Variants in PTCHD4 observed in about 807,000 individuals in gnomAD.
PTCHD4 encodes the protein patched domain-containing protein 4.
In PTCHD4, 33 loss-of-function variants were observed where a neutral mutation model predicts 58.1. The observed-to-expected ratio is 0.57, with a 90% CI of 0.43 to 0.76. The LOEUF is 0.76. Ranked by LOEUF, PTCHD4 falls within the 30% of genes least tolerant of loss-of-function variation. The probability of loss-of-function intolerance (pLI) is 0.00; values close to 1 mark genes in which losing one functional copy is unlikely to be tolerated. For synonymous variants in PTCHD4, 478 were observed against 409.6 expected (o/e 1.17, Z -2.02); for missense variants, 1,058 against 1,027.1 (o/e 1.03, Z -0.41).
chr6:47,955,343 G>T (rs1766815536), intron 4 of PTCHD4, among the ~76,000 whole-genome samples: 1 of 152,046 alleles, frequency 6.6e-6, no homozygotes, highest in Non-Finnish European at 1.5e-5. Context: ...AAGAATCAGA[G>T]AAAGAAAAAA....
intron 4 of PTCHD4, among the ~76,000 whole-genome samples, chr6:48,004,687 C>A (rs1441085923): frequency 6.6e-6 from 1 of 152,118 alleles, no homozygotes; most frequent in Non-Finnish European, 1.5e-5. Context: ...GAGGCCAAGG[C>A]AGGTGGATCA....
At chr6:47,886,065 G>T (rs1014085158) in intron 4 of PTCHD4, among the ~76,000 whole-genome samples, 43 of 150,990 alleles carry the variant, frequency 2.8e-4, no homozygotes, top group Admixed American at 6.6e-4. Flanking sequence ...TAATCTGCCC[G>T]CCTCGGCCTC....
chr6:47,965,808 G>A (rs1767267448), intron 4 of PTCHD4, among the ~76,000 whole-genome samples: 1 of 152,042 alleles, frequency 6.6e-6, no homozygotes, highest in Non-Finnish European at 1.5e-5. Context: ...CCAGCTACTC[G>A]GGAGGCTGAG....
chr6:47,888,367 A>G (rs547998130), intron 4 of PTCHD4, among the ~76,000 whole-genome samples: 19 of 152,152 alleles, frequency 1.2e-4, no homozygotes, highest in Admixed American at 4.6e-4. Flanking sequence ...CAAAAAAAAG[A>G]GTAGATGGGA....
chr6:47,878,855 A>G lies in PTCHD4; in HGVS notation c.1980T>C (p.Ile660=), dbSNP rs149081697. 226 of 1,613,788 alleles carry G rather than the reference A, an allele frequency of 1.4e-4. 1 individual carries two copies. The East Asian group carries it at 4.9e-3, about 35-fold the overall frequency. ...ACACCAGGAGAACACCAAAGCCTGC[A>G]ATCAGAACAGGCACTGTGACAGACA... ...YSLSVTVPVL[I]AGFGVLLVLI... is the part of the protein sequence containing the mutation. The change falls in exon 5 of 5, where the codon ATT becomes ATC. Residue 660 remains isoleucine (I), a synonymous_variant. Coordinates refer to ENST00000339488, the MANE Select transcript of PTCHD4 (RefSeq NM_001384253.1).
At chr6:48,081,227 G>A (rs1249028032) in intron 1 of PTCHD4, among the ~76,000 whole-genome samples, 1 of 152,210 alleles carries the variant, frequency 6.6e-6, no homozygotes, top group African/African-American at 2.4e-5. Context: ...GTAATTTGGT[G>A]ATAGATTAAA....
At chr6:48,088,429 C>G (rs557362259) in intron 1 of PTCHD4, among the ~76,000 whole-genome samples, 1 of 152,008 alleles carries the variant, frequency 6.6e-6, no homozygotes, top group Non-Finnish European at 1.5e-5. Flanking sequence ...TTTTGGGCTC[C>G]GTTTAATGAC....
At position 47,877,563 on chromosome 6, in the gene PTCHD4, A is replaced by T. The variant is rs1763880758; in HGVS notation, c.*740T>A. The stretch of plus-strand genomic sequence containing the variant: ...CTGACATGATATGCATAATCTAATG[A>T]ACTCACATCTCTGTTTATTTTGCTC... On this transcript the variant is annotated 3_prime_UTR_variant, in exon 5 of 5. Transcript: ENST00000339488. Among the ~76,000 whole-genome samples the T allele has an allele frequency of 6.6e-6, 1 of 152,066 alleles. No homozygotes were observed. Among genetic ancestry groups the T allele is most frequent in the Admixed American group, 6.6e-5 (1 of 15,244 alleles).
chr6:47,961,231 A>C (rs767899774), intron 4 of PTCHD4, among the ~76,000 whole-genome samples: 33 of 152,132 alleles, frequency 2.2e-4, no homozygotes, highest in Admixed American at 7.9e-4. Flanking sequence ...TGTACTTTTA[A>C]ATAATATACT....
Position 47,860,008 on chromosome 6 carries a change from A to T in PTCHD4, c.*18295T>A, listed in dbSNP as rs575743443. Among the ~76,000 whole-genome samples the T allele has an allele frequency of 6.6e-6, 1 of 152,148 alleles. No homozygotes were observed. Among genetic ancestry groups the T allele is most frequent in the East Asian group, 1.9e-4 (1 of 5,134 alleles). ...CCCCTCTTTCGTGAATCTCCCACCCAAGTTAATGTCTGTGAAGAGATGGTT... is the reference window on the plus strand; with the variant it reads ...CCCCTCTTTCGTGAATCTCCCACCCTAGTTAATGTCTGTGAAGAGATGGTT... On this transcript the variant is annotated 3_prime_UTR_variant, in exon 5 of 5. Transcript: ENST00000339488.
At chr6:47,957,279 A>G (rs1287125195) in intron 4 of PTCHD4, among the ~76,000 whole-genome samples, 1 of 148,240 alleles carries the variant, frequency 6.7e-6, no homozygotes, top group Non-Finnish European at 1.5e-5. Context: ...TATTATATAT[A>G]TAGTTTCATT....
chr6:48,013,846 A>G (rs905197678), intron 3 of PTCHD4, among the ~76,000 whole-genome samples: 1 of 152,180 alleles, frequency 6.6e-6, no homozygotes, highest in Middle Eastern at 3.2e-3. Context: ...CTTTAGCAGC[A>G]ACAAAATGAT....
intron 1 of PTCHD4, among the ~76,000 whole-genome samples, chr6:48,070,477 A>G (rs1313209284): frequency 6.6e-6 from 1 of 152,224 alleles, no homozygotes; most frequent in African/African-American, 2.4e-5. Context: ...ACAATGCTTA[A>G]GGAAAAGTGT....
At chr6:47,966,428 G>T (rs1161700176) in intron 4 of PTCHD4, among the ~76,000 whole-genome samples, 1 of 152,200 alleles carries the variant, frequency 6.6e-6, no homozygotes. Flanking sequence ...GAAGGGCCTT[G>T]CCTCAATGTT....
At chr6:47,992,701 AC>A (rs1171639366) in intron 4 of PTCHD4, among the ~76,000 whole-genome samples, 1 of 152,176 alleles carries the variant, frequency 6.6e-6, no homozygotes, top group African/African-American at 2.4e-5. Flanking sequence ...TTATGTACAC[AC>A]TTTTTATTAC....
At chr6:48,099,922 C>A (rs749366671) in intron 1 of PTCHD4, among the ~76,000 whole-genome samples, 1 of 152,212 alleles carries the variant, frequency 6.6e-6, no homozygotes, top group Admixed American at 6.5e-5. Flanking sequence ...TCCCCATAAG[C>A]AATTTCAGTT....
Position 47,876,530 on chromosome 6 carries a change from AC to A in PTCHD4, c.*1772del, listed in dbSNP as rs1488222196. 4.6e-5 allele frequency among the ~76,000 whole-genome samples: 7 copies of A among 151,958 alleles called. No individual in the cohort carries two copies. The highest frequency in any genetic ancestry group is 1.7e-4 in the African/African-American group (7 of 41,394). ...TAGTCTATCAACTTCATTTCCAGAG[AC>A]TATAACGAGAATGGAATGGTTTGTA... On this transcript the variant is annotated 3_prime_UTR_variant, in exon 5 of 5. Coordinates refer to ENST00000339488, the MANE Select transcript of PTCHD4 (RefSeq NM_001384253.1).
rs973546049 is a variant in PTCHD4, at chr6:48,107,055, C to T, written c.-970+3994G>A. Among the ~76,000 whole-genome samples, 109 of 152,236 alleles carry T rather than the reference C, an allele frequency of 7.2e-4. 1 individual carries two copies. The highest frequency in any genetic ancestry group is 2.5e-3 in the African/African-American group (105 of 41,526). On this transcript the variant is annotated intron_variant, in intron 1 of 4. Coordinates refer to ENST00000339488, the MANE Select transcript of PTCHD4 (RefSeq NM_001384253.1). ...GTAATTTATAGATTCAATGCCATCC[C>T]CATCAAGCTACCAATGACTTTCTGC... is the stretch of plus-strand genomic sequence containing the variant.
At chr6:48,007,932 G>T (rs531543425) in intron 4 of PTCHD4, among the ~76,000 whole-genome samples, 1 of 41,736 alleles carries the variant, frequency 2.4e-5, no homozygotes, top group South Asian at 1.0e-3. Flanking sequence ...ATATGTGCGC[G>T]CGCGCACACA....
Sources: allele counts gnomAD v4.1 joint callset (sites outside exome capture counted in the v4.1 genomes callset), GRCh38; gene constraint gnomAD v4.1.1; transcripts MANE v1.5; gene names NCBI Gene and HGNC (gene_info 2026-07-23, HGNC 2026-07-21).